Variants in CLVS1 observed in about 807,000 individuals in gnomAD.
CLVS1 encodes the protein clavesin 1.
In CLVS1, 10 loss-of-function variants were observed where a neutral mutation model predicts 33.1. That is an observed-to-expected ratio of 0.30 (90% confidence interval 0.19 to 0.51). CLVS1 has a LOEUF of 0.51. Ranked by LOEUF, CLVS1 falls within the 20% of genes least tolerant of loss-of-function variation. The pLI, the probability that CLVS1 is intolerant of heterozygous loss-of-function variation, is 0.97. For missense variants in CLVS1, 343 were observed against 433.4 expected (o/e 0.79, Z 1.85); for synonymous variants, 163 against 166.1 (o/e 0.98, Z 0.14).
intron 2 of CLVS1, among the ~76,000 whole-genome samples, chr8:61,161,113 A>C (rs1563425992): frequency 6.6e-6 from 1 of 152,246 alleles, no homozygotes; most frequent in Non-Finnish European, 1.5e-5. Context: ...AATGCAAAGC[A>C]AAGCCACAAT....
At chr8:61,145,258 G>GA (rs1806392128) in intron 2 of CLVS1, among the ~76,000 whole-genome samples, 2 of 152,030 alleles carry the variant, frequency 1.3e-5, no homozygotes, top group Non-Finnish European at 2.9e-5. Context: ...AAATTTACAA[G>GA]AAAAAACAAA....
In CLVS1 at chr8:61,499,685, C is replaced by T. The variant is rs996387513; in HGVS notation, c.*143C>T. 5.6e-5 allele frequency: 29 copies of T among 520,714 alleles called. No homozygotes were observed. The highest frequency in any genetic ancestry group is 8.6e-5 in the Non-Finnish European group (25 of 289,860). The allele number at this position is 520,714 out of a possible 1,614,324, so 32.3% of individuals were successfully genotyped here. ...ACTCCTGAACCCCTGCAGTGACTGT[C>T]ACCAGCCATCGGTCTGAGCAGCCAA... On this transcript the variant is annotated 3_prime_UTR_variant, in exon 6 of 6. Transcript: ENST00000325897.
intron 1 of CLVS1, among the ~76,000 whole-genome samples, chr8:61,098,169 G>C (rs1805385909): frequency 6.6e-6 from 1 of 152,012 alleles, no homozygotes. Flanking sequence ...TTCTAAAAGA[G>C]ACAGAGAAAG....
chr8:61,290,904 A>C (rs868501324), intron 1 of CLVS1, among the ~76,000 whole-genome samples: 3 of 152,242 alleles, frequency 2.0e-5, no homozygotes, highest in African/African-American at 7.2e-5. Flanking sequence ...TCACTGGAAT[A>C]AAGTTGTTTC....
chr8:61,048,897 G>A, the CLVS1 span, among the ~76,000 whole-genome samples: 3 of 151,972 alleles, frequency 2.0e-5, no homozygotes, highest in Non-Finnish European at 2.9e-5. Flanking sequence ...ATCTTTGACT[G>A]AGGCTCTGAT....
At chr8:61,267,954 AGAG>A (rs1358290610) in intron 2 of CLVS1, among the ~76,000 whole-genome samples, 1 of 152,132 alleles carries the variant, frequency 6.6e-6, no homozygotes, top group Admixed American at 6.5e-5. Flanking sequence ...TGGATCGATC[AGAG>A]GAGGAGACTT....
chr8:61,493,773 T>C (rs1229119204), intron 5 of CLVS1, among the ~76,000 whole-genome samples: 1 of 152,204 alleles, frequency 6.6e-6, no homozygotes, highest in Non-Finnish European at 1.5e-5. Context: ...GTTGTTGACT[T>C]TAAGAAAGAA....
the CLVS1 span, among the ~76,000 whole-genome samples, chr8:61,019,014 T>A: frequency 6.6e-6 from 1 of 152,246 alleles, no homozygotes; most frequent in Non-Finnish European, 1.5e-5. Flanking sequence ...AAATTGCCTA[T>A]AAGCATGGAC....
In CLVS1 at chr8:61,435,433, T is replaced by A. The variant is rs1816293828; in HGVS notation, c.631-18708T>A. ...AATCTCCTTAGGGCCATAGTCAGTA[T>A]GATTTCTTGAATATTTTCATTCTTC... On this transcript the variant is annotated intron_variant, in intron 3 of 5. Coordinates refer to ENST00000325897, the MANE Select transcript of CLVS1 (RefSeq NM_173519.3). Among the ~76,000 whole-genome samples, 15 of 152,200 alleles carry A rather than the reference T, an allele frequency of 9.9e-5. 1 individual carries two copies. Among genetic ancestry groups the A allele is most frequent in the Admixed American group, 9.8e-4 (15 of 15,278 alleles).
chr8:61,273,291 G>A (rs1809486180), intron 2 of CLVS1, among the ~76,000 whole-genome samples: 1 of 152,240 alleles, frequency 6.6e-6, no homozygotes, highest in African/African-American at 2.4e-5. Flanking sequence ...GTGCCTCCCA[G>A]TTAGGTTGCT....
rs537354425 is a variant in CLVS1 at position 61,185,260 on chromosome 8, A to G, written c.-152+53400A>G. Among the ~76,000 whole-genome samples the G allele has an allele frequency of 1.3e-4, 20 of 150,138 alleles. 1 individual carries two copies. The South Asian group carries it at 4.0e-3, about 30-fold the overall frequency. On this transcript the variant is annotated intron_variant, in intron 2 of 2. Coordinates refer to the CLVS1 transcript ENST00000522621. The stretch of plus-strand genomic sequence containing the variant: ...GGGCTCAAGGGATCCTCCTACCTCA[A>G]CCTCTCAAGTAGCTAGGATTACAAG...
chr8:61,196,455 G>C (rs1326467443), intron 2 of CLVS1, among the ~76,000 whole-genome samples: 3 of 152,054 alleles, frequency 2.0e-5, no homozygotes, highest in Admixed American at 1.3e-4. Flanking sequence ...TGTTGCAAAA[G>C]GTGGAAACCC....
intron 2 of CLVS1, among the ~76,000 whole-genome samples, chr8:61,369,118 A>G (rs1813330158): frequency 6.6e-6 from 1 of 151,734 alleles, no homozygotes; most frequent in African/African-American, 2.4e-5. Flanking sequence ...AAGTTATGTG[A>G]GATGGAGTTA....
intron 2 of CLVS1, among the ~76,000 whole-genome samples, chr8:61,158,784 A>G (rs1806696667): frequency 6.6e-6 from 1 of 152,242 alleles, no homozygotes; most frequent in Non-Finnish European, 1.5e-5. Flanking sequence ...CAGCATGTGG[A>G]CATGATATAC....
At chr8:61,249,997 A>G (rs1808899937) in intron 2 of CLVS1, among the ~76,000 whole-genome samples, 1 of 152,284 alleles carries the variant, frequency 6.6e-6, no homozygotes, top group African/African-American at 2.4e-5. Flanking sequence ...GCCCATGCCT[A>G]TGTCCTGTAG....
intron 1 of CLVS1, among the ~76,000 whole-genome samples, chr8:61,063,816 C>A (rs1007753881): frequency 1.3e-5 from 2 of 152,172 alleles, no homozygotes; most frequent in Non-Finnish European, 2.9e-5. Context: ...AATCATCCCC[C>A]CTATGTTTTC....
chr8:61,369,309 A>T (rs1030473746), intron 2 of CLVS1, among the ~76,000 whole-genome samples: 4 of 152,196 alleles, frequency 2.6e-5, no homozygotes, highest in African/African-American at 9.7e-5. Flanking sequence ...TTTTCAGAAC[A>T]CAATTTTTTT....
chr8:61,472,106 C>G (rs572213922), intron 5 of CLVS1, among the ~76,000 whole-genome samples: 6 of 152,356 alleles, frequency 3.9e-5, no homozygotes, highest in African/African-American at 1.4e-4. Context: ...GCGCTTGTCC[C>G]CCTCCCCATG....
chr8:60,993,642 T>C, the CLVS1 span, among the ~76,000 whole-genome samples: 1 of 152,198 alleles, frequency 6.6e-6, no homozygotes, highest in Non-Finnish European at 1.5e-5. Flanking sequence ...CCTCCCAGCC[T>C]GGTGGAAAGG....
Sources: allele counts gnomAD v4.1 joint callset (sites outside exome capture counted in the v4.1 genomes callset), GRCh38; gene constraint gnomAD v4.1.1; transcripts MANE v1.5; gene names NCBI Gene and HGNC (gene_info 2026-07-23, HGNC 2026-07-21).